Variants in RHPN2 observed in about 807,000 individuals in gnomAD.
RHPN2 encodes the protein rhophilin Rho GTPase binding protein 2, also known as rhophilin-2.
Under a neutral mutation model 79.0 loss-of-function variants are expected in RHPN2, and 40 were observed. The observed-to-expected ratio is 0.51, with a 90% CI of 0.39 to 0.66. The LOEUF (loss-of-function observed/expected upper bound fraction) is 0.66. Among genes scored for constraint, RHPN2 ranks in the 30% least tolerant of loss-of-function variants. The probability of loss-of-function intolerance (pLI) is 0.00; values close to 1 mark genes in which losing one functional copy is unlikely to be tolerated. For missense variants in RHPN2, 686 were observed against 883.5 expected, an observed-to-expected ratio of 0.78 and a Z score of 2.83; for synonymous variants, 285 against 363.5, an observed-to-expected ratio of 0.78 and a Z score of 2.46.
At chr19:33,022,589 C>G (rs1356536769) in intron 3 of RHPN2, among the ~76,000 whole-genome samples, 1 of 152,206 alleles carries the variant, frequency 6.6e-6, no homozygotes, top group Non-Finnish European at 1.5e-5. Flanking sequence ...TCCTCTCCCC[C>G]AGCTGACCAC....
chr19:33,052,030 G>C (rs1484826256), intron 1 of RHPN2, among the ~76,000 whole-genome samples: 1 of 150,856 alleles, frequency 6.6e-6, no homozygotes, highest in African/African-American at 2.4e-5. Context: ...CAGAAAGAGA[G>C]CCCTTACCAA....
chr19:33,044,024 G>A (rs1267846538), intron 2 of RHPN2, among the ~76,000 whole-genome samples: 2 of 152,086 alleles, frequency 1.3e-5, no homozygotes, highest in Admixed American at 1.3e-4. Context: ...GAAGCCAAAT[G>A]CCACACCGTC....
At chr19:33,042,805 G>T (rs954924165) in intron 2 of RHPN2, among the ~76,000 whole-genome samples, 2 of 152,198 alleles carry the variant, frequency 1.3e-5, no homozygotes, top group African/African-American at 4.8e-5. Context: ...CATTGGCCAG[G>T]CACAGTGGCT....
chr19:33,018,900 G>A (rs542003069), intron 4 of RHPN2, among the ~76,000 whole-genome samples: 82 of 151,686 alleles, frequency 5.4e-4, no homozygotes, highest in African/African-American at 1.9e-3. Flanking sequence ...GCATGATGGC[G>A]GGTGCCTGTA....
intron 14 of RHPN2, among the ~76,000 whole-genome samples, chr19:32,983,979 G>A (rs1349001059): frequency 6.6e-6 from 1 of 152,090 alleles, no homozygotes; most frequent in Non-Finnish European, 1.5e-5. Flanking sequence ...TCCACCTGGG[G>A]TACCCCTCTA....
At chr19:32,983,339 T>C (rs183305804) in intron 14 of RHPN2, among the ~76,000 whole-genome samples, 3,193 of 151,924 alleles carry the variant, frequency 0.021, 106 homozygotes, top group East Asian at 0.18. Flanking sequence ...GGTGAAACCC[T>C]GTCTCTACTA....
rs755180833 is a variant in RHPN2 at position 33,011,675 on chromosome 19, C to T, written c.593+4G>A. 6 of 1,613,966 alleles carry T rather than the reference C, an allele frequency of 3.7e-6. No homozygotes were observed. The South Asian group carries it at 4.4e-5, about 12-fold the overall frequency. On this transcript the variant is annotated splice_donor_region_variant and intron_variant, in intron 6 of 14. Coordinates refer to ENST00000254260, the MANE Select transcript of RHPN2 (RefSeq NM_033103.5). ...AAGCGCCAGCGCAGACCTCAAGCACCTACCAGGTGAACAGGAGTCCCATCT... is the reference window on the plus strand; with the variant it reads ...AAGCGCCAGCGCAGACCTCAAGCACTTACCAGGTGAACAGGAGTCCCATCT...
chr19:33,040,998 T>C (rs1174057493), intron 2 of RHPN2, among the ~76,000 whole-genome samples: 1 of 152,084 alleles, frequency 6.6e-6, no homozygotes, highest in African/African-American at 2.4e-5. Flanking sequence ...TTTGAAATAT[T>C]TGATGGCTTC....
chr19:32,998,621 TG>T (rs907331844), intron 10 of RHPN2, among the ~76,000 whole-genome samples: 15 of 150,720 alleles, frequency 1.0e-4, no homozygotes, highest in Admixed American at 2.7e-4. Flanking sequence ...CACTGCAGCC[TG>T]GGGGACAGCA....
intron 1 of RHPN2, among the ~76,000 whole-genome samples, chr19:33,055,856 G>C (rs1345644226): frequency 6.6e-6 from 1 of 152,042 alleles, no homozygotes; most frequent in African/African-American, 2.4e-5. Flanking sequence ...CCCTGTCCAG[G>C]CTGGAGGTTT....
chr19:33,011,658 G>C (rs766414861), intron 6 of RHPN2, 21 bp downstream of exon 6: 2 of 1,613,950 alleles, frequency 1.2e-6, no homozygotes, highest in South Asian at 2.2e-5. Context: ...TGAAGCGCCA[G>C]CGCAGACCTC....
Position 33,037,564 on chromosome 19 carries a change from G to A in RHPN2, c.185+6685C>T, listed in dbSNP as rs142388687. ...GTAACACTCACTGCGAAGGTCTGCA[G>A]CTTCACTCCTGAAGCCAGCGAGACC... On this transcript the variant is annotated intron_variant, in intron 2 of 14. Coordinates refer to ENST00000254260, the MANE Select transcript of RHPN2 (RefSeq NM_033103.5). 3.0e-3 allele frequency among the ~76,000 whole-genome samples: 464 copies of A among 152,304 alleles called. 6 individuals are homozygous for A. The highest frequency in any genetic ancestry group is 0.01 in the African/African-American group (436 of 41,574).
Position 32,979,858 on chromosome 19 carries a change from A to T in RHPN2, c.*138T>A. The stretch of plus-strand genomic sequence containing the variant: ...CTTGGTTACTTTCCTTCATAAAAAC[A>T]CATCAAATGTGAGTTTACACTATGA... On this transcript the variant is annotated 3_prime_UTR_variant, in exon 15 of 15. Coordinates refer to ENST00000254260, the MANE Select transcript of RHPN2 (RefSeq NM_033103.5). The T allele has an allele frequency of 4.6e-6, 5 of 1,092,490 alleles. No homozygotes were observed. The highest frequency in any genetic ancestry group is 6.7e-6 in the Non-Finnish European group (5 of 748,440). The allele number at this position is 1,092,490 out of a possible 1,614,324, so 67.7% of individuals were successfully genotyped here.
At chr19:33,055,746 A>C (rs78955054) in intron 1 of RHPN2, among the ~76,000 whole-genome samples, 59 of 150,866 alleles carry the variant, frequency 3.9e-4, no homozygotes, top group East Asian at 2.7e-3. Flanking sequence ...AAAAAAAAAA[A>C]AACAACAACA....
Position 32,995,992 on chromosome 19 carries a change from C to A in RHPN2, c.1420+34G>T, listed in dbSNP as rs373442897. ...GCGTACTCTTTCCGCGGCACAGGCA[C>A]CCCCACAGAGGGAACACAGTCTAGG... On this transcript the variant is annotated intron_variant, in intron 11 of 14. Transcript: ENST00000254260. The A allele has an allele frequency of 3.1e-6, 5 of 1,611,022 alleles. No homozygotes were observed. In the African/African-American group the frequency reaches 5.3e-5, roughly 17 times the overall value.
At chr19:33,019,560 C>T (rs1971906460) in intron 4 of RHPN2, among the ~76,000 whole-genome samples, 1 of 150,454 alleles carries the variant, frequency 6.6e-6, no homozygotes, top group Admixed American at 6.6e-5. Flanking sequence ...GCCTGGGCAA[C>T]GAGAGCTAAA....
At chr19:33,033,551 C>T (rs891263062) in intron 2 of RHPN2, among the ~76,000 whole-genome samples, 2 of 145,322 alleles carry the variant, frequency 1.4e-5, no homozygotes, top group African/African-American at 2.6e-5. Context: ...GGCGACAGAG[C>T]GAGTCTCCAT....
chr19:33,061,732 C>T (rs1383591004), intron 1 of RHPN2, among the ~76,000 whole-genome samples: 2 of 152,160 alleles, frequency 1.3e-5, no homozygotes, highest in Admixed American at 6.6e-5. Flanking sequence ...GATCCACCTG[C>T]CTCAGCATCT....
At chr19:33,003,145 A>G (rs2145232078) in intron 7 of RHPN2, 145 bp from the exon 8 acceptor site, 1 of 736,838 alleles carries the variant, frequency 1.4e-6, no homozygotes, top group East Asian at 2.8e-5. Context: ...GATCACTTGT[A>G]TCAGGAATTC....
Sources: gnomAD v4.1 joint callset for allele counts (sites outside exome capture counted in the v4.1 genomes callset) on GRCh38, gnomAD v4.1.1 for gene constraint, MANE v1.5 for transcripts, NCBI Gene and HGNC (gene_info 2026-07-23, HGNC 2026-07-21) for gene names.